ADARB1: variants seen among roughly 807,000 people sequenced by gnomAD.
ADARB1 encodes the protein adenosine deaminase RNA specific B1, also known as double-stranded RNA-specific editase 1.
Under a neutral mutation model 52.4 loss-of-function variants are expected in ADARB1, and 10 were observed. That is an observed-to-expected ratio of 0.19 (90% CI 0.12 to 0.32). The LOEUF is 0.32. Among genes scored for constraint, ADARB1 ranks in the 10% least tolerant of loss-of-function variants. ADARB1 has a pLI of 1.00. For missense variants in ADARB1, 643 were observed against 922.3 expected, an observed-to-expected ratio of 0.70 and a Z score of 3.92; for synonymous variants, 349 against 371.1, an observed-to-expected ratio of 0.94 and a Z score of 0.68.
chr21:45,114,565 A>G (rs974205303), intron 1 of ADARB1, among the ~76,000 whole-genome samples: 6 of 152,250 alleles, frequency 3.9e-5, no homozygotes, highest in Admixed American at 2.6e-4. Context: ...ACATTAAAAA[A>G]TATTCAACAT....
At chr21:45,190,105 G>A (rs939817529) in intron 8 of ADARB1, among the ~76,000 whole-genome samples, 3 of 151,850 alleles carry the variant, frequency 2.0e-5, no homozygotes, top group African/African-American at 4.8e-5. Context: ...ATAGTGTTCC[G>A]TAAGTCCCTT....
intron 1 of ADARB1, among the ~76,000 whole-genome samples, chr21:45,110,150 A>G (rs1018661415): frequency 4.6e-5 from 7 of 152,170 alleles, no homozygotes; most frequent in Non-Finnish European, 7.3e-5. Context: ...TCACTTCCAC[A>G]TTTTGAGAAG....
intron 1 of ADARB1, among the ~76,000 whole-genome samples, chr21:45,119,975 C>T (rs1039518157): frequency 7.2e-5 from 11 of 152,366 alleles, no homozygotes; most frequent in East Asian, 3.9e-4. Context: ...GTGGCCCCCA[C>T]GTGGGCGCAT....
intron 1 of ADARB1, among the ~76,000 whole-genome samples, chr21:45,081,700 G>C (rs1480732908): frequency 2.0e-5 from 3 of 152,196 alleles, no homozygotes; most frequent in African/African-American, 7.2e-5. Flanking sequence ...GCTCCTGGTG[G>C]AGGTATGATG....
At chr21:45,095,135 C>T (rs1391337195) in intron 1 of ADARB1, among the ~76,000 whole-genome samples, 3 of 152,244 alleles carry the variant, frequency 2.0e-5, no homozygotes, top group Non-Finnish European at 2.9e-5. Flanking sequence ...CAGGACTGTA[C>T]AGAACTAGCC....
intron 2 of ADARB1, among the ~76,000 whole-genome samples, chr21:45,138,713 G>A (rs567490925): frequency 2.0e-5 from 3 of 152,302 alleles, no homozygotes; most frequent in East Asian, 3.9e-4. Flanking sequence ...GTAGGGGAAA[G>A]GGCTTCAGGA....
At position 45,174,866 on chromosome 21, in the gene ADARB1, C is replaced by T. The variant is rs114761989; in HGVS notation, c.29-864C>T. Reference sequence around the variant, plus strand: ...GGATAAACAAATTATTCTGGAAATTCATCAAATAATTGTTTTAAAAAAGAC... The same window carrying T: ...GGATAAACAAATTATTCTGGAAATTTATCAAATAATTGTTTTAAAAAAGAC... On this transcript the variant is annotated intron_variant, in intron 3 of 10. Transcript: ENST00000348831. Among the ~76,000 whole-genome samples the T allele has an allele frequency of 6.9e-3, 1,055 of 152,110 alleles. 17 individuals are homozygous for T. Among genetic ancestry groups the T allele is most frequent in the African/African-American group, 0.024 (1,007 of 41,488 alleles).
intron 8 of ADARB1, among the ~76,000 whole-genome samples, chr21:45,202,118 G>T (rs1009422975): frequency 1.3e-5 from 2 of 151,950 alleles, no homozygotes; most frequent in African/African-American, 4.8e-5. Flanking sequence ...GCTGGCCCAC[G>T]TGTTCACAGG....
chr21:45,126,393 T>C (rs912845792), intron 1 of ADARB1, among the ~76,000 whole-genome samples: 2 of 152,228 alleles, frequency 1.3e-5, no homozygotes, highest in African/African-American at 4.8e-5. Flanking sequence ...CGCTGTCTGC[T>C]GTCTCTGTCA....
At chr21:45,097,901 C>A (rs1016267224) in intron 1 of ADARB1, among the ~76,000 whole-genome samples, 2 of 152,158 alleles carry the variant, frequency 1.3e-5, no homozygotes, top group Non-Finnish European at 2.9e-5. Flanking sequence ...CGCCCTGCTC[C>A]CCACTGATGT....
At chr21:45,146,829 T>C (rs1357809081) in intron 2 of ADARB1, among the ~76,000 whole-genome samples, 1 of 152,230 alleles carries the variant, frequency 6.6e-6, no homozygotes, top group African/African-American at 2.4e-5. Context: ...TTTCTTACCC[T>C]GTGTTTGGCT....
chr21:45,187,903 A>G (rs2092160951), intron 8 of ADARB1, among the ~76,000 whole-genome samples: 1 of 152,150 alleles, frequency 6.6e-6, no homozygotes. Flanking sequence ...TGGTTTGTTG[A>G]GAATTTTTGC....
At chr21:45,156,645 T>A (rs960563534) in intron 2 of ADARB1, among the ~76,000 whole-genome samples, 2 of 149,436 alleles carry the variant, frequency 1.3e-5, no homozygotes, top group African/African-American at 2.5e-5. Flanking sequence ...AGCCATCATC[T>A]GTCATCCATT....
intron 2 of ADARB1, among the ~76,000 whole-genome samples, chr21:45,143,864 T>C (rs2089869549): frequency 6.6e-6 from 1 of 152,206 alleles, no homozygotes; most frequent in African/African-American, 2.4e-5. Flanking sequence ...CATCCAGCCA[T>C]CATCCTAGAA....
chr21:45,134,395 TGTGTGTGCCCGACAGTG>T (rs1300262106), intron 2 of ADARB1, among the ~76,000 whole-genome samples: 13 of 24,560 alleles, frequency 5.3e-4, no homozygotes, highest in Non-Finnish European at 1.2e-3. Context: ...GCCCGATGGG[TGTGTGTGCCCGACAGTG>T]GTGTGTGCGC....
intron 1 of ADARB1, among the ~76,000 whole-genome samples, chr21:45,080,958 T>A (rs1373924701): frequency 6.6e-6 from 1 of 152,232 alleles, no homozygotes; most frequent in African/African-American, 2.4e-5. Context: ...CTTAATTGCA[T>A]GAGTTTTGAT....
chr21:45,201,606 G>A (rs1040215643), intron 8 of ADARB1, among the ~76,000 whole-genome samples: 2 of 152,184 alleles, frequency 1.3e-5, no homozygotes, highest in Non-Finnish European at 2.9e-5. Flanking sequence ...CATAGGAATT[G>A]GAGGATTTGT....
At chr21:45,074,978 G>A (rs1307468154) in intron 1 of ADARB1, among the ~76,000 whole-genome samples, 185 bp downstream of exon 1, 2 of 151,072 alleles carry the variant, frequency 1.3e-5, no homozygotes, top group South Asian at 2.1e-4. Context: ...CACCCTCCTG[G>A]GTCGCCCGTC....
At chr21:45,165,116 G>A (rs997701293) in intron 2 of ADARB1, among the ~76,000 whole-genome samples, 1 of 152,156 alleles carries the variant, frequency 6.6e-6, no homozygotes, top group Non-Finnish European at 1.5e-5. Context: ...GCCTTGCTGG[G>A]CCAGTCTACT....
Sources: allele counts gnomAD v4.1 joint callset (sites outside exome capture counted in the v4.1 genomes callset), GRCh38; gene constraint gnomAD v4.1.1; transcripts MANE v1.5; gene names NCBI Gene and HGNC (gene_info 2026-07-23, HGNC 2026-07-21).